SCAPER: variants seen among roughly 807,000 people sequenced by gnomAD.
SCAPER encodes S phase cyclin A-associated protein in the endoplasmic reticulum.
Under a neutral mutation model 182.2 loss-of-function variants are expected in SCAPER, and 98 were observed. The observed-to-expected ratio is 0.54, with a 90% CI of 0.46 to 0.64. The LOEUF (loss-of-function observed/expected upper bound fraction) is 0.64. SCAPER is among the 30% of genes least tolerant of loss of function. The pLI is 0.00. For missense variants in SCAPER, 1,432 were observed against 1,690.0 expected (o/e 0.85, Z 2.68); for synonymous variants, 605 against 564.6 (o/e 1.07, Z -1.01).
chr15:76,764,887 C>G, intron 14 of SCAPER, 74 bp downstream of exon 14: 1 of 796,204 alleles, frequency 1.3e-6, no homozygotes, highest in Non-Finnish European at 2.0e-6. Context: ...TAGCTTCTCT[C>G]AGACCAGAAG....
chr15:76,374,812 G>A (rs2042431196), intron 29 of SCAPER, among the ~76,000 whole-genome samples: 1 of 152,004 alleles, frequency 6.6e-6, no homozygotes. Context: ...GATGAATGAG[G>A]TTGTCAGGAA....
intron 5 of SCAPER, among the ~76,000 whole-genome samples, chr15:76,809,974 A>T (rs1298793621): frequency 6.6e-6 from 1 of 152,236 alleles, no homozygotes; most frequent in Non-Finnish European, 1.5e-5. Flanking sequence ...AACGAAAAAG[A>T]AAGTGTCAGC....
chr15:76,704,964 T>C lies in SCAPER; in HGVS notation c.2247+939A>G, dbSNP rs866804796. On this transcript the variant is annotated intron_variant, in intron 18 of 31. Transcript: ENST00000563290. ...CTGTTGGTGGGACTGTAAACTAGTT[T>C]GACCATTGTGGAAGTCAGTGTGGCG... is the stretch of plus-strand genomic sequence containing the variant. Among the ~76,000 whole-genome samples the C allele has an allele frequency of 2.0e-3, 301 of 152,160 alleles. 2 individuals are homozygous for C. Among genetic ancestry groups the C allele is most frequent in the African/African-American group, 6.1e-3 (252 of 41,492 alleles).
intron 9 of SCAPER, among the ~76,000 whole-genome samples, chr15:76,772,398 G>A (rs2063522608): frequency 6.6e-6 from 1 of 151,834 alleles, no homozygotes; most frequent in Non-Finnish European, 1.5e-5. Flanking sequence ...AAAAAATCCT[G>A]AAACCAATTT....
intron 1 of SCAPER, among the ~76,000 whole-genome samples, chr15:76,896,212 A>G (rs531615700): frequency 6.6e-6 from 1 of 151,758 alleles, no homozygotes; most frequent in East Asian, 1.9e-4. Context: ...TCTACCAAAA[A>G]TATGAAAATT....
chr15:76,541,141 T>C (rs1000063697), intron 23 of SCAPER, among the ~76,000 whole-genome samples: 8 of 151,360 alleles, frequency 5.3e-5, no homozygotes, highest in African/African-American at 1.9e-4. Flanking sequence ...AAAAAAACCA[T>C]GTTTGTGAGG....
chr15:76,536,901 C>G (rs572506732), intron 23 of SCAPER, among the ~76,000 whole-genome samples: 8 of 151,576 alleles, frequency 5.3e-5, no homozygotes, highest in Non-Finnish European at 1.0e-4. Context: ...ACAAAAATCA[C>G]AAGCATTCTT....
At chr15:76,356,970 A>AAG (rs2041003814) in intron 29 of SCAPER, among the ~76,000 whole-genome samples, 1 of 152,156 alleles carries the variant, frequency 6.6e-6, no homozygotes, top group African/African-American at 2.4e-5. Flanking sequence ...TTCAGATCAA[A>AAG]AGACATTGAA....
intron 20 of SCAPER, among the ~76,000 whole-genome samples, chr15:76,694,692 T>C (rs1465934175): frequency 1.3e-5 from 2 of 152,110 alleles, no homozygotes; most frequent in East Asian, 1.9e-4. Flanking sequence ...TTCTATTTTA[T>C]GCAACATGTT....
Position 76,402,098 on chromosome 15 carries a change from G to A in SCAPER, c.3467+2426C>T, listed in dbSNP as rs183098219. Among the ~76,000 whole-genome samples the A allele has an allele frequency of 2.0e-5, 3 of 152,258 alleles. No homozygotes were observed. The East Asian group carries it at 5.8e-4, about 29-fold the overall frequency. On this transcript the variant is annotated intron_variant, in intron 27 of 31. Coordinates refer to ENST00000563290, the MANE Select transcript of SCAPER (RefSeq NM_020843.4). ...GCTGAGATAGTGCCTCTGTACTCCAGCCTGGGCGACAGAGTGAGTAAGATT... is the reference window on the plus strand; with the variant it reads ...GCTGAGATAGTGCCTCTGTACTCCAACCTGGGCGACAGAGTGAGTAAGATT...
At chr15:76,700,090 C>A (rs180960071) in intron 20 of SCAPER, among the ~76,000 whole-genome samples, 1 of 152,296 alleles carries the variant, frequency 6.6e-6, no homozygotes, top group East Asian at 1.9e-4. Context: ...GCATCCAAGT[C>A]CGCACTGCAA....
intron 21 of SCAPER, among the ~76,000 whole-genome samples, chr15:76,646,471 GCTCT>G (rs1475707755): frequency 6.6e-6 from 1 of 152,076 alleles, no homozygotes; most frequent in Non-Finnish European, 1.5e-5. Context: ...TGCTCTTTCA[GCTCT>G]CTCTCCTCTC....
At chr15:76,575,247 G>C (rs543794809) in intron 22 of SCAPER, among the ~76,000 whole-genome samples, 2 of 151,998 alleles carry the variant, frequency 1.3e-5, no homozygotes, top group Admixed American at 6.6e-5. Flanking sequence ...GTGGGGGTGT[G>C]GGGGGAGTCA....
At chr15:76,655,846 C>A (rs117382850) in intron 21 of SCAPER, among the ~76,000 whole-genome samples, 9,715 of 152,080 alleles carry the variant, frequency 0.064, 344 homozygotes, top group Middle Eastern at 0.11. Context: ...CCTTTTCAGA[C>A]AAGCAAATGC....
intron 24 of SCAPER, among the ~76,000 whole-genome samples, chr15:76,478,624 T>C (rs966513275): frequency 1.3e-5 from 2 of 152,176 alleles, no homozygotes; most frequent in African/African-American, 4.8e-5. Flanking sequence ...TATTTTGGTG[T>C]GTTGTGTGAG....
At chr15:76,398,119 T>C (rs1318343501) in intron 27 of SCAPER, among the ~76,000 whole-genome samples, 1 of 152,196 alleles carries the variant, frequency 6.6e-6, no homozygotes, top group Non-Finnish European at 1.5e-5. Flanking sequence ...TCCACCTTTT[T>C]CTCAACTCTA....
chr15:76,637,763 T>A lies in SCAPER; in HGVS notation c.2646-15934A>T, dbSNP rs1250437566. On this transcript the variant is annotated intron_variant, in intron 21 of 31. Transcript: ENST00000563290. ...ATATATGTGTGTGTGTGTGTGTGTG[T>A]GTGTGTGTGTGTGTGTGTGTGTGTG... Among the ~76,000 whole-genome samples, 119 of 133,604 alleles carry A rather than the reference T, an allele frequency of 8.9e-4. 1 individual carries two copies. Among genetic ancestry groups the A allele is most frequent in the African/African-American group, 3.8e-3 (114 of 29,950 alleles). 87.6% of individuals were successfully genotyped at this position (133,604 alleles called of 152,430 possible). A position where few individuals can be genotyped will look rare whatever the true frequency, so the allele number is the denominator to read the frequency against.
At chr15:76,803,519 C>A (rs748929986) in intron 6 of SCAPER, among the ~76,000 whole-genome samples, 14 of 152,148 alleles carry the variant, frequency 9.2e-5, no homozygotes, top group Non-Finnish European at 1.9e-4. Context: ...CAGGCTGCTA[C>A]AACAAAATAC....
chr15:76,365,559 T>C (rs2041750267), intron 29 of SCAPER, among the ~76,000 whole-genome samples: 1 of 152,274 alleles, frequency 6.6e-6, no homozygotes, highest in Non-Finnish European at 1.5e-5. Context: ...GCTTCCATTT[T>C]AATTTACATT....
Sources: gnomAD v4.1 joint callset for allele counts (sites outside exome capture counted in the v4.1 genomes callset) on GRCh38, gnomAD v4.1.1 for gene constraint, MANE v1.5 for transcripts, NCBI Gene and HGNC (gene_info 2026-07-23, HGNC 2026-07-21) for gene names.